ARAP3: variants seen among roughly 807,000 people sequenced by gnomAD.
ARAP3 encodes ArfGAP with RhoGAP domain, ankyrin repeat and PH domain 3.
ARAP3 carries 82 observed loss-of-function variants against 169.2 expected under a neutral mutation model. The observed-to-expected ratio is 0.48, with a 90% CI of 0.41 to 0.58. ARAP3 has a LOEUF of 0.58. ARAP3 is among the 20% of genes least tolerant of loss of function. The pLI is 0.00. For missense variants in ARAP3, 1,764 were observed against 2,018.0 expected, an observed-to-expected ratio of 0.87 and a Z score of 2.41; for synonymous variants, 791 against 800.3, an observed-to-expected ratio of 0.99 and a Z score of 0.20.
In ARAP3 at chr5:141,653,424, G is replaced by A. The variant is rs2099908782; in HGVS notation, c.*526C>T. 6.5e-6 allele frequency: 1 copy of A among 152,676 alleles called. No homozygotes were observed. Among genetic ancestry groups the A allele is most frequent in the African/African-American group, 2.4e-5 (1 of 41,420 alleles). The allele number at this position is 152,676 out of a possible 1,614,324, so 9.5% of individuals were successfully genotyped here. A position where few individuals can be genotyped will look rare whatever the true frequency, so the allele number is the denominator to read the frequency against. ...TAGTCTTTTGGTTCCCAGGTTTATT[G>A]ACAATTACTCATCTATTTTTGACTC... On this transcript the variant is annotated 3_prime_UTR_variant, in exon 33 of 33. Coordinates refer to ENST00000239440, the MANE Select transcript of ARAP3 (RefSeq NM_022481.6).
intron 18 of ARAP3, 94 bp downstream of exon 18, chr5:141,665,217 T>A (rs2099910475): frequency 3.2e-6 from 5 of 1,572,684 alleles, no homozygotes; most frequent in Non-Finnish European, 3.5e-6. Context: ...GAAGAAACTT[T>A]GAGGAAGTGG....
chr5:141,662,371 AG>A (rs2099910066), intron 19 of ARAP3, 116 bp from the exon 20 acceptor site: 1 of 960,624 alleles, frequency 1.0e-6, no homozygotes, highest in Non-Finnish European at 1.6e-6. Context: ...GGATTCAGAG[AG>A]GAGGAGATCT....
Position 141,654,305 on chromosome 5 carries a change from G to A in ARAP3, c.4280C>T (p.Thr1427Ile), listed in dbSNP as rs1430093784. The A allele has an allele frequency of 6.2e-7, 1 of 1,614,162 alleles. No individual in the cohort carries two copies. Among genetic ancestry groups the A allele is most frequent in the Non-Finnish European group, 8.5e-7 (1 of 1,180,034 alleles). ...TGGCTTCACTGTCCACTCCCGTGTG[G>A]TGGAGAAGGAGGTAGAAGTGTCCTG... Reference protein sequence around the residue: ...LIQDTSTSFSTTREWTVKPEN... With the variant: ...LIQDTSTSFSITREWTVKPEN... Residue 1427 changes from threonine (T) to isoleucine (I), a missense_variant, in exon 33 of 33, where the codon ACC (threonine) becomes ATC (isoleucine). By Grantham distance (89) the Thr-to-Ile change is moderately conservative (BLOSUM62 -1). Transcript: ENST00000239440.
At chr5:141,659,567 G>T in intron 22 of ARAP3, 91 bp from the exon 23 acceptor site, 2 of 1,452,842 alleles carry the variant, frequency 1.4e-6, no homozygotes, top group Non-Finnish European at 1.9e-6. Flanking sequence ...TAAGAGGGCT[G>T]GAGGCCAGAA....
intron 21 of ARAP3, among the ~76,000 whole-genome samples, chr5:141,661,060 CT>C (rs1176413853): frequency 6.9e-6 from 1 of 145,054 alleles, no homozygotes; most frequent in South Asian, 2.2e-4. Flanking sequence ...TTCCTTTTTT[CT>C]TTTTTCTTTT....
intron 6 of ARAP3, 43 bp downstream of exon 6, chr5:141,673,358 C>G (rs1239913740): frequency 4.3e-6 from 7 of 1,612,502 alleles, no homozygotes; most frequent in Non-Finnish European, 5.9e-6. Flanking sequence ...CTCAGCCCTC[C>G]CTCTCCCTCA....
chr5:141,671,368 C>T lies in ARAP3; in HGVS notation c.1887G>A (p.Leu629=), dbSNP rs2099911423. The T allele has an allele frequency of 6.2e-7, 1 of 1,613,312 alleles. No homozygotes were observed. The highest frequency in any genetic ancestry group is 1.7e-5 in the Admixed American group (1 of 59,908). ...AGAGGAGCTGGGTCATGTTCTTCAG[C>T]AGGTTGGGTCTTGCCACAGCTGCAC... ...ALCAAVARPN[L]LKNMTQLLCV... is the part of the protein sequence containing the mutation. Residue 629 remains leucine (L), a synonymous_variant, in exon 13 of 33, where the codon CTG becomes CTA. Transcript: ENST00000239440. This position sits in a 1 kb window ranked among gnomAD's most constrained non-coding sequence, Gnocchi z 4.9.
chr5:141,680,149 C>T lies in ARAP3; in HGVS notation c.338G>A (p.Arg113Lys). The stretch of plus-strand genomic sequence containing the variant: ...CCCGAGGGCTGGGCTCAGCCCAGGT[C>T]TCTGAGTGGTGGCAGGGCCACTGAG... ...GGLSGPATTQ[R>K]PGLSPALGGP... Residue 113 changes from arginine (R) to lysine (K), a missense_variant, in exon 2 of 33, where the codon AGA (arginine) becomes AAA (lysine). Around this residue, in one of 3 missense-constraint regions of ARAP3, gnomAD observed 630 missense variants for 678.7 expected, o/e 0.93. Coordinates refer to ENST00000239440, the MANE Select transcript of ARAP3 (RefSeq NM_022481.6). 2 of 1,608,244 alleles carry T rather than the reference C, an allele frequency of 1.2e-6. No individual in the cohort carries two copies. Among genetic ancestry groups the T allele is most frequent in the Non-Finnish European group, 1.7e-6 (2 of 1,176,138 alleles).
At chr5:141,659,499 T>C (rs1443836777) in intron 22 of ARAP3, 23 bp from the exon 23 acceptor site, 1 of 1,611,908 alleles carries the variant, frequency 6.2e-7, no homozygotes, top group Non-Finnish European at 8.5e-7. Flanking sequence ...CAAAAGAGAG[T>C]GTTGGGGTGC....
intron 25 of ARAP3, among the ~76,000 whole-genome samples, chr5:141,657,110 C>G (rs1347472744): frequency 6.6e-6 from 1 of 152,124 alleles, no homozygotes; most frequent in Non-Finnish European, 1.5e-5. Flanking sequence ...AAACAATAAA[C>G]TGAGCAAGCA....
Position 141,672,189 on chromosome 5 carries a change from C to G in ARAP3, c.1498G>C (p.Ala500Pro). ...EVAEKIWSNR[A>P]NRQCADCGSS... Reference sequence around the variant, plus strand: ...CCACAGTCCGCACACTGCCGGTTGGCCCGATTAGACCAGATCTTCTCAGCC... The same window carrying G: ...CCACAGTCCGCACACTGCCGGTTGGGCCGATTAGACCAGATCTTCTCAGCC... The change falls in exon 10 of 33, where the codon GCC (alanine) becomes CCC (proline). Residue 500 changes from alanine (A) to proline (P), a missense_variant. Ala to Pro is a conservative substitution (Grantham distance 27). This residue lies in a region of ARAP3 where 630 missense variants were observed against 678.7 expected (regional missense o/e 0.93). Transcript: ENST00000239440. The surrounding 1 kb of genome is among the most constrained non-coding windows in gnomAD (Gnocchi z 4.9). The G allele has an allele frequency of 3.1e-6, 5 of 1,614,226 alleles. No individual in the cohort carries two copies. The highest frequency in any genetic ancestry group is 4.2e-6 in the Non-Finnish European group (5 of 1,180,038).
chr5:141,679,669 G>A lies in ARAP3; in HGVS notation c.587-13C>T, dbSNP rs61652655. ...TCCATGATGTGCACTGGCAGGAGGA[G>A]AGGGGAACGCACAAGGAAGAGGAGA... On this transcript the variant is annotated splice_polypyrimidine_tract_variant and intron_variant, in intron 3 of 32. Coordinates refer to ENST00000239440, the MANE Select transcript of ARAP3 (RefSeq NM_022481.6). 1.6e-4 allele frequency: 257 copies of A among 1,613,986 alleles called. No homozygotes were observed. In the African/African-American group the frequency reaches 3.1e-3, roughly 19 times the overall value.
At chr5:141,663,211 G>C (rs1322654412) in intron 19 of ARAP3, among the ~76,000 whole-genome samples, 1 of 152,140 alleles carries the variant, frequency 6.6e-6, no homozygotes, top group East Asian at 1.9e-4. Flanking sequence ...TATCCCCAGT[G>C]TCTGACACAC....
Position 141,672,267 on chromosome 5 carries a change from A to G in ARAP3, c.1420T>C (p.Trp474Arg), listed in dbSNP as rs746453477. The G allele has an allele frequency of 6.2e-7, 1 of 1,614,112 alleles. No individual in the cohort carries two copies. The highest frequency in any genetic ancestry group is 1.7e-5 in the Admixed American group (1 of 60,018). ...ACTGCTTCCTGCAGAGCGGCCGCCC[A>G]GCTCTGCCGAGCACCCCCAGACTCG... Reference protein sequence around the residue: ...TAESGGARQSWAAALQEAVTE... With the variant: ...TAESGGARQSRAAALQEAVTE... Residue 474 changes from tryptophan (W) to arginine (R), a missense_variant, in exon 10 of 33, where the codon TGG becomes CGG. By Grantham distance (101) the Trp-to-Arg change is moderately radical. This residue lies in a region of ARAP3 where 630 missense variants were observed against 678.7 expected (regional missense o/e 0.93). Coordinates refer to ENST00000239440, the MANE Select transcript of ARAP3 (RefSeq NM_022481.6). This position sits in a 1 kb window ranked among gnomAD's most constrained non-coding sequence, Gnocchi z 4.9.
At chr5:141,674,114 C>T (rs1053438574) in intron 4 of ARAP3, among the ~76,000 whole-genome samples, 1 of 152,126 alleles carries the variant, frequency 6.6e-6, no homozygotes, top group African/African-American at 2.4e-5. Flanking sequence ...CAAGAATACG[C>T]TACCACGCCT....
rs1037511138 is a variant in ARAP3 at position 141,673,551 on chromosome 5, C to T, written c.902+54G>A. 75 of 1,612,192 alleles carry T rather than the reference C, an allele frequency of 4.7e-5. 1 individual carries two copies. The highest frequency in any genetic ancestry group is 1.1e-4 in the East Asian group (5 of 44,874). On this transcript the variant is annotated intron_variant, in intron 5 of 32. Transcript: ENST00000239440. ...CATAGGGTCTGGGGGCACTTTCCCG[C>T]GCAACCACCTCCCAGCCTCTCTTTT...
chr5:141,670,844 C>T (rs1383643151), intron 13 of ARAP3, among the ~76,000 whole-genome samples: 1 of 152,232 alleles, frequency 6.6e-6, no homozygotes, highest in Non-Finnish European at 1.5e-5. Context: ...CCAGCCCCTG[C>T]CCACTGCCTC....
chr5:141,655,181 C>G, intron 32 of ARAP3, among the ~76,000 whole-genome samples, 181 bp downstream of exon 32: 1 of 35,188 alleles, frequency 2.8e-5, no homozygotes, highest in East Asian at 4.0e-4. Flanking sequence ...CCCTGATGGC[C>G]TACACACACA....
In ARAP3 at chr5:141,672,850, G is replaced by C; in HGVS notation, c.1169C>G (p.Pro390Arg). ...EQRLLGHPRPPQPPRPLRTGM... is the reference protein window; with the variant it reads ...EQRLLGHPRPRQPPRPLRTGM... Reference sequence around the variant, plus strand: ...CGTGCGGAGGGGTCGGGGTGGTTGGGGGGGCCGGGGGTGGCCCAGGAGGCG... The same window carrying C: ...CGTGCGGAGGGGTCGGGGTGGTTGGCGGGGCCGGGGGTGGCCCAGGAGGCG... The change falls in exon 8 of 33, where the codon CCC becomes CGC. Residue 390 changes from proline to arginine, a missense_variant. By Grantham distance (103) the Pro-to-Arg change is moderately radical. Transcript: ENST00000239440. The surrounding 1 kb of genome is among the most constrained non-coding windows in gnomAD (Gnocchi z 4.9). 1.2e-6 allele frequency: 2 copies of C among 1,607,100 alleles called. No individual in the cohort carries two copies. The highest frequency in any genetic ancestry group is 2.3e-5 in the East Asian group (1 of 44,424).
Sources: gnomAD v4.1 joint callset for allele counts (sites outside exome capture counted in the v4.1 genomes callset) on GRCh38, gnomAD v4.1.1 for gene constraint, gnomAD v4.1.1 regional missense constraint, Gnocchi (gnomAD v3.1) non-coding constraint, MANE v1.5 for transcripts, NCBI Gene and HGNC (gene_info 2026-07-23, HGNC 2026-07-21) for gene names.